GPM6A: variants seen among roughly 807,000 people sequenced by gnomAD.
GPM6A encodes neuronal membrane glycoprotein M6-a.
In GPM6A, 7 loss-of-function variants were observed where a neutral mutation model predicts 32.1. The observed-to-expected ratio is 0.22, with a 90% CI of 0.12 to 0.41. The LOEUF is 0.41. Ranked by LOEUF, GPM6A falls within the 10% of genes least tolerant of loss-of-function variation. GPM6A has a pLI of 1.00. For synonymous variants in GPM6A, 130 were observed against 123.4 expected, an observed-to-expected ratio of 1.05 and a Z score of -0.35; for missense variants, 235 against 347.2, an observed-to-expected ratio of 0.68 and a Z score of 2.57.
intron 2 of GPM6A, among the ~76,000 whole-genome samples, chr4:175,679,237 C>T (rs186358023): frequency 1.2e-4 from 18 of 152,188 alleles, no homozygotes; most frequent in Admixed American, 2.6e-4. Flanking sequence ...CTCTATTCTG[C>T]CCTTTTTGAA....
At chr4:175,726,189 C>T (rs1214510471) in intron 1 of GPM6A, among the ~76,000 whole-genome samples, 8 of 151,232 alleles carry the variant, frequency 5.3e-5, no homozygotes, top group South Asian at 4.2e-4. Flanking sequence ...TTAGTAGAGA[C>T]GGGGTTTCAC....
intron 2 of GPM6A, 73 bp downstream of exon 2, chr4:175,701,502 G>A: frequency 2.0e-6 from 2 of 1,017,002 alleles, no homozygotes. Flanking sequence ...CTAACTGTAG[G>A]CCCCTAATCA....
At chr4:175,773,332 T>C (rs776224517) in intron 1 of GPM6A, among the ~76,000 whole-genome samples, 2 of 152,208 alleles carry the variant, frequency 1.3e-5, no homozygotes, top group Non-Finnish European at 2.9e-5. Flanking sequence ...AACGATCACA[T>C]GCTTAGCTCT....
At chr4:175,962,067 G>T (rs1740183764) in intron 1 of GPM6A, 1 of 724,204 alleles carries the variant, frequency 1.4e-6, no homozygotes, top group Non-Finnish European at 2.6e-6. Flanking sequence ...ACCAGATGTT[G>T]CCAATCTGGT....
rs1014488966 is a variant in GPM6A, at chr4:175,634,080, G to A, written c.*825C>T. 3.3e-5 allele frequency: 5 copies of A among 152,448 alleles called. No individual in the cohort carries two copies. The highest frequency in any genetic ancestry group is 2.1e-4 in the South Asian group (1 of 4,826). The allele number at this position is 152,448 out of a possible 1,614,324, so 9.4% of individuals were successfully genotyped here. A position where few individuals can be genotyped will look rare whatever the true frequency, so the allele number is the denominator to read the frequency against. ...ATCCAGCCACTTCTTAAATCACAAA[G>A]AGATCATTCTTCAATAGTCTACAGT... On this transcript the variant is annotated 3_prime_UTR_variant, in exon 7 of 7. Coordinates refer to ENST00000393658, the MANE Select transcript of GPM6A (RefSeq NM_201591.3).
chr4:175,830,764 C>T (rs560771331), intron 1 of GPM6A, among the ~76,000 whole-genome samples: 1 of 151,986 alleles, frequency 6.6e-6, no homozygotes, highest in South Asian at 2.1e-4. Context: ...ACTGATTTCA[C>T]TCAATGTGTT....
chr4:175,814,079 AC>A (rs1735026845), upstream of GPM6A, among the ~76,000 whole-genome samples: 1 of 152,222 alleles, frequency 6.6e-6, no homozygotes, highest in Non-Finnish European at 1.5e-5. Flanking sequence ...TATAATCAAC[AC>A]AGAACGGAGC....
chr4:175,930,315 ATTC>A lies in GPM6A; in HGVS notation c.-23+71991_-23+71993del, dbSNP rs1467797618. 7.2e-5 allele frequency among the ~76,000 whole-genome samples: 11 copies of A among 152,180 alleles called. No homozygotes were observed. In the South Asian group the frequency reaches 2.3e-3, roughly 32 times the overall value. On this transcript the variant is annotated intron_variant, in intron 1 of 7. Transcript: ENST00000280187. The stretch of plus-strand genomic sequence containing the variant: ...TAGTCAAGATTACTTCCATGTTAAT[ATTC>A]TTCTTTTTAAAGAGAAAAATTTTAG...
chr4:175,810,260 C>T (rs1734863788), intron 1 of GPM6A, among the ~76,000 whole-genome samples: 2 of 152,088 alleles, frequency 1.3e-5, no homozygotes, highest in South Asian at 4.1e-4. Context: ...GAAAAGGTGT[C>T]ATAGGCGTAA....
chr4:175,998,714 C>A (rs1741386035), intron 1 of GPM6A, among the ~76,000 whole-genome samples: 1 of 152,102 alleles, frequency 6.6e-6, no homozygotes, highest in African/African-American at 2.4e-5. Flanking sequence ...AGACATGTAT[C>A]ATATTCTATT....
intron 1 of GPM6A, among the ~76,000 whole-genome samples, chr4:175,930,485 G>A (rs756008107): frequency 3.4e-4 from 51 of 151,306 alleles, no homozygotes; most frequent in Admixed American, 7.9e-4. Context: ...ATCTTTCTAA[G>A]GAGCATTTTG....
rs556015299 is a variant in GPM6A at position 175,840,677 on chromosome 4, AAAAT to A, written c.-22-28432_-22-28429del. Among the ~76,000 whole-genome samples the A allele has an allele frequency of 8.9e-4, 135 of 152,270 alleles. No individual in the cohort carries two copies. In the Middle Eastern group the frequency reaches 0.014, roughly 15 times the overall value. On this transcript the variant is annotated intron_variant, in intron 1 of 7. Coordinates refer to the GPM6A transcript ENST00000280187. The stretch of plus-strand genomic sequence containing the variant: ...ACAACAAGAGCGAAACTCCATCTCA[AAAAT>A]AAATAAATAAATACAGAATTTCCAA...
At chr4:175,939,393 T>G (rs140431949) in intron 1 of GPM6A, among the ~76,000 whole-genome samples, 55 of 152,354 alleles carry the variant, frequency 3.6e-4, no homozygotes, top group African/African-American at 1.3e-3. Flanking sequence ...AAATCTGTTA[T>G]CTGAATTAAG....
intron 1 of GPM6A, among the ~76,000 whole-genome samples, chr4:175,797,743 C>T (rs979717126): frequency 6.6e-6 from 1 of 152,088 alleles, no homozygotes. Flanking sequence ...TTTTTATTTT[C>T]AAAGGCAAAA....
At chr4:175,966,106 C>T (rs186086717) in intron 1 of GPM6A, among the ~76,000 whole-genome samples, 2 of 152,084 alleles carry the variant, frequency 1.3e-5, no homozygotes, top group East Asian at 3.9e-4. Context: ...TTTTTGTGCC[C>T]TTAAAATTTA....
intron 1 of GPM6A, among the ~76,000 whole-genome samples, chr4:175,864,753 T>A (rs535673233): frequency 2.6e-5 from 4 of 152,178 alleles, no homozygotes; most frequent in Non-Finnish European, 5.9e-5. Flanking sequence ...CTGCGTTTTC[T>A]TCTAGAAATT....
At chr4:175,732,693 G>T (rs1358349220) in intron 1 of GPM6A, among the ~76,000 whole-genome samples, 2 of 151,920 alleles carry the variant, frequency 1.3e-5, no homozygotes, top group African/African-American at 2.4e-5. Context: ...ATAACTTAAG[G>T]CTACCTTGTA....
intron 1 of GPM6A, among the ~76,000 whole-genome samples, chr4:175,774,915 T>A (rs1733332866): frequency 6.6e-6 from 1 of 152,070 alleles, no homozygotes; most frequent in South Asian, 2.1e-4. Flanking sequence ...TCATTGTTTT[T>A]AAAGAATTTC....
chr4:175,861,712 T>G (rs1408002805), intron 1 of GPM6A, among the ~76,000 whole-genome samples: 3 of 132,170 alleles, frequency 2.3e-5, no homozygotes, highest in African/African-American at 8.7e-5. Context: ...GATGGTACCA[T>G]GCACTCCAGG....
Sources: allele counts gnomAD v4.1 joint callset (sites outside exome capture counted in the v4.1 genomes callset), GRCh38; gene constraint gnomAD v4.1.1; transcripts MANE v1.5; gene names NCBI Gene and HGNC (gene_info 2026-07-23, HGNC 2026-07-21).